The following DMD variants were observed in gnomAD, a reference collection of about 807,000 sequenced individuals.
DMD encodes dystrophin.
Under a neutral mutation model 330.1 loss-of-function variants are expected in DMD, and 63 were observed. That is an observed-to-expected ratio of 0.19 (90% CI 0.16 to 0.24). DMD has a LOEUF of 0.24. Among genes scored for constraint, DMD ranks in the 10% least tolerant of loss-of-function variants. DMD has a pLI of 1.00. For synonymous variants in DMD, 1,223 were observed against 959.8 expected (o/e 1.27, Z -5.07); for missense variants, 3,344 against 2,684.1 (o/e 1.25, Z -5.43).
At chrX:31,326,714 T>C (rs1443384778) in intron 61 of DMD, among the ~76,000 whole-genome samples, 1 of 111,488 alleles carries the variant, frequency 9.0e-6, no homozygotes, top group Non-Finnish European at 1.9e-5. Context: ...TGGATGATAG[T>C]TCTACGGAAT....
chrX:32,438,324 G>T lies in DMD; in HGVS notation c.3988C>A (p.Leu1330Ile). Residue 1330 changes from leucine (L) to isoleucine (I), a missense_variant, in exon 29 of 79, where the codon CTA becomes ATA. Leu to Ile is a conservative substitution (Grantham distance 5). Coordinates refer to ENST00000357033, the MANE Select transcript of DMD (RefSeq NM_004006.3). ...PNQIRILAQTLTDGGVMDELI... is the reference protein window; with the variant it reads ...PNQIRILAQTITDGGVMDELI... ...TCATCCATGACTCCGCCATCTGTTA[G>T]GGTCTGTGCCAATATGCGAATCTGA... The T allele has an allele frequency of 8.3e-7, 1 of 1,211,298 alleles. No homozygotes were observed. The highest frequency in any genetic ancestry group is 1.1e-6 in the Non-Finnish European group (1 of 895,164).
At chrX:31,730,755 A>ATATT (rs2086443921) in intron 51 of DMD, among the ~76,000 whole-genome samples, 1 of 111,765 alleles carries the variant, frequency 8.9e-6, no homozygotes, top group African/African-American at 3.2e-5. Flanking sequence ...TGTTTTATCT[A>ATATT]TATTTTCTCA....
intron 9 of DMD, among the ~76,000 whole-genome samples, chrX:32,668,309 C>T (rs1393224458): frequency 1.8e-5 from 2 of 112,302 alleles, no homozygotes; most frequent in African/African-American, 6.5e-5. Context: ...ACTCATATGT[C>T]CCTATGCCTA....
At chrX:31,467,053 G>A (rs1299738773) in intron 59 of DMD, among the ~76,000 whole-genome samples, 2 of 112,058 alleles carry the variant, frequency 1.8e-5, no homozygotes, top group African/African-American at 6.5e-5. Flanking sequence ...ATCAGCTTAA[G>A]AAGATTTTGG....
At chrX:32,349,224 C>T (rs748231278) in intron 37 of DMD, among the ~76,000 whole-genome samples, 5 of 111,285 alleles carry the variant, frequency 4.5e-5, no homozygotes, top group African/African-American at 1.6e-4. Flanking sequence ...ACTTTCTAAA[C>T]AAAACCCTTG....
intron 1 of DMD, among the ~76,000 whole-genome samples, chrX:33,073,069 C>T (rs1382276999): frequency 3.6e-5 from 4 of 111,943 alleles, no homozygotes; most frequent in African/African-American, 6.5e-5. Context: ...TAATCTTTCA[C>T]TTTACTGTCA....
intron 57 of DMD, among the ~76,000 whole-genome samples, chrX:31,483,240 G>T (rs896825122): frequency 9.2e-6 from 1 of 108,312 alleles, no homozygotes; most frequent in African/African-American, 3.4e-5. Context: ...TAGAGACGGG[G>T]TTTCACCGTG....
intron 1 of DMD, among the ~76,000 whole-genome samples, chrX:33,114,159 G>T (rs1423876928): frequency 1.9e-5 from 2 of 105,793 alleles, no homozygotes; most frequent in African/African-American, 6.9e-5. Context: ...GCCCAGGCTG[G>T]AGTGCAGTGG....
At chrX:31,732,773 T>A (rs1475803832) in intron 51 of DMD, among the ~76,000 whole-genome samples, 1 of 111,688 alleles carries the variant, frequency 9.0e-6, no homozygotes. Context: ...CCTAGTATTA[T>A]CTTCATCCTC....
chrX:31,647,717 T>G (rs2080186516), intron 54 of DMD, among the ~76,000 whole-genome samples: 1 of 112,402 alleles, frequency 8.9e-6, no homozygotes, highest in South Asian at 3.7e-4. Context: ...TAGGTTATTA[T>G]CTACAAAGGT....
chrX:32,659,380 G>A (rs1357126151), intron 9 of DMD, among the ~76,000 whole-genome samples: 1 of 111,479 alleles, frequency 9.0e-6, no homozygotes, highest in Non-Finnish European at 1.9e-5. Flanking sequence ...TCCCTATGGG[G>A]GAACTAATGG....
At chrX:33,256,390 T>G (rs142894409) in intron 1 of DMD, among the ~76,000 whole-genome samples, 3,910 of 110,621 alleles carry the variant, frequency 0.035, 187 homozygotes, top group African/African-American at 0.12. Context: ...TGCTTTAGTT[T>G]GATGGTAACA....
At chrX:32,040,679 G>C (rs755157048) in intron 44 of DMD, among the ~76,000 whole-genome samples, 2 of 111,600 alleles carry the variant, frequency 1.8e-5, no homozygotes, top group Non-Finnish European at 3.8e-5. Flanking sequence ...AAGGGCAAAG[G>C]CAGATTCACT....
At chrX:32,701,764 G>A (rs1204947725) in intron 7 of DMD, among the ~76,000 whole-genome samples, 1 of 111,456 alleles carries the variant, frequency 9.0e-6, no homozygotes, top group Non-Finnish European at 1.9e-5. Context: ...TCAAATATAT[G>A]CCATTATAAA....
intron 1 of DMD, among the ~76,000 whole-genome samples, chrX:33,224,196 C>T (rs770910634): frequency 8.9e-6 from 1 of 112,271 alleles, no homozygotes; most frequent in East Asian, 2.8e-4. Context: ...ACTAAACATA[C>T]TCTTGCTATA....
intron 50 of DMD, among the ~76,000 whole-genome samples, chrX:31,796,724 T>C (rs1259565442): frequency 2.7e-5 from 3 of 111,858 alleles, no homozygotes; most frequent in African/African-American, 9.8e-5. Context: ...ATCCTCAATA[T>C]TGGAGGTGGG....
intron 55 of DMD, among the ~76,000 whole-genome samples, chrX:31,541,510 C>A (rs1164789908): frequency 1.1e-5 from 1 of 89,944 alleles, no homozygotes; most frequent in Non-Finnish European, 2.2e-5. Flanking sequence ...CACGACAGGC[C>A]CTGGTGTGTG....
intron 1 of DMD, chrX:33,128,082 T>C: frequency 8.4e-7 from 1 of 1,186,516 alleles, no homozygotes; most frequent in East Asian, 3.0e-5. Flanking sequence ...AGCCTGCTTC[T>C]GAATGCTTGT....
chrX:31,218,371 G>A (rs1373436242), intron 64 of DMD, among the ~76,000 whole-genome samples: 4 of 110,053 alleles, frequency 3.6e-5, no homozygotes, highest in African/African-American at 1.3e-4. Context: ...GATGGGGCAG[G>A]GGCAGGGGCA....
Sources: gnomAD v4.1 joint callset for allele counts (sites outside exome capture counted in the v4.1 genomes callset) on GRCh38, gnomAD v4.1.1 for gene constraint, MANE v1.5 for transcripts, NCBI Gene and HGNC (gene_info 2026-07-23, HGNC 2026-07-21) for gene names.